Variants in ZNF644 observed in about 807,000 individuals in gnomAD.
ZNF644 encodes the protein zinc finger protein 644, also known as zinc finger motif enhancer binding protein 2.
Under a neutral mutation model 108.0 loss-of-function variants are expected in ZNF644, and 20 were observed. The observed-to-expected ratio is 0.19, with a 90% CI of 0.13 to 0.27. ZNF644 has a LOEUF of 0.27. Among genes scored for constraint, ZNF644 ranks in the 10% least tolerant of loss-of-function variants. The pLI, the probability that ZNF644 is intolerant of heterozygous loss-of-function variation, is 1.00. For synonymous variants in ZNF644, 542 were observed against 539.1 expected (o/e 1.01, Z -0.08); for missense variants, 1,338 against 1,548.9 (o/e 0.86, Z 2.29).
chr1:90,919,047 C>T (rs1046900556), intron 4 of ZNF644, among the ~76,000 whole-genome samples: 1 of 151,608 alleles, frequency 6.6e-6, no homozygotes, highest in South Asian at 2.1e-4. Context: ...CATTAATTGA[C>T]TTTTCCTTTA....
intron 1 of ZNF644, among the ~76,000 whole-genome samples, chr1:91,013,451 T>TCTCA (rs748395054): frequency 4.3e-5 from 6 of 140,052 alleles, no homozygotes; most frequent in East Asian, 2.3e-4. Flanking sequence ...AATCTCTCTC[T>TCTCA]CACACACACA....
rs552368652 is a variant in ZNF644 at position 90,943,243 on chromosome 1, C to T, written c.45-1934G>A. Among the ~76,000 whole-genome samples the T allele has an allele frequency of 1.4e-4, 22 of 152,002 alleles. No individual in the cohort carries two copies. In the South Asian group the frequency reaches 4.6e-3, roughly 32 times the overall value. On this transcript the variant is annotated intron_variant, in intron 2 of 5. Transcript: ENST00000337393. ...GATTACAAGATCAGGAGATTGACAC[C>T]ATCCTGGCTAACATGGTGATACCCC...
At position 90,939,567 on chromosome 1, in the gene ZNF644, G is replaced by A. The variant is rs1183673285; in HGVS notation, c.1787C>T (p.Ser596Leu). 3 of 1,613,994 alleles carry A rather than the reference G, an allele frequency of 1.9e-6. No individual in the cohort carries two copies. The highest frequency in any genetic ancestry group is 2.2e-5 in the South Asian group (2 of 91,082). The change falls in exon 3 of 6, where the codon TCA becomes TTA. Residue 596 changes from serine (S) to leucine (L), a missense_variant. Transcript: ENST00000337393. ...YICKMCPFTT[S>L]AKSVLKKHTE... ...GTGCTTTTTTAAAACACTTTTGGCT[G>A]AAGTAGTAAAAGGACACATCTTACA... is the stretch of plus-strand genomic sequence containing the variant.
intron 1 of ZNF644, among the ~76,000 whole-genome samples, chr1:91,010,224 T>A (rs1466817677): frequency 6.7e-6 from 1 of 149,862 alleles, no homozygotes; most frequent in Non-Finnish European, 1.5e-5. Context: ...TCCACAATTC[T>A]CATGTCTGTG....
chr1:90,992,279 T>C (rs973220405), intron 1 of ZNF644, among the ~76,000 whole-genome samples: 3 of 151,970 alleles, frequency 2.0e-5, no homozygotes, highest in African/African-American at 7.2e-5. Flanking sequence ...TTTTTTAATA[T>C]GTCAATTATA....
At chr1:90,965,706 T>A (rs1374155910) in intron 2 of ZNF644, among the ~76,000 whole-genome samples, 1 of 152,238 alleles carries the variant, frequency 6.6e-6, no homozygotes, top group African/African-American at 2.4e-5. Flanking sequence ...ATGAGTCATA[T>A]AGTTCATATC....
At position 91,001,358 on chromosome 1, in the gene ZNF644, C is replaced by T. The variant is rs1171426977; in HGVS notation, c.-17-18988G>A. 2.0e-5 allele frequency among the ~76,000 whole-genome samples: 3 copies of T among 152,286 alleles called. No individual in the cohort carries two copies. In the East Asian group the frequency reaches 5.8e-4, roughly 29 times the overall value. On this transcript the variant is annotated intron_variant, in intron 1 of 5. Coordinates refer to ENST00000337393, the MANE Select transcript of ZNF644 (RefSeq NM_201269.3). ...CACCATGATCAAGTGGGCTTCATCC[C>T]TGGGATGCAAGGCTGGTTCAACGTA...
At chr1:90,921,334 T>G (rs1395830939) in intron 4 of ZNF644, among the ~76,000 whole-genome samples, 1 of 152,098 alleles carries the variant, frequency 6.6e-6, no homozygotes, top group East Asian at 1.9e-4. Flanking sequence ...ATGAATAATC[T>G]GCCAAATAGA....
intron 2 of ZNF644, among the ~76,000 whole-genome samples, chr1:90,978,481 T>C (rs1299521644): frequency 6.6e-6 from 1 of 152,164 alleles, no homozygotes; most frequent in Non-Finnish European, 1.5e-5. Flanking sequence ...TAAAAAGTCT[T>C]CTTTTTCATG....
chr1:90,925,164 G>A (rs1325818450), intron 4 of ZNF644, among the ~76,000 whole-genome samples: 1 of 152,184 alleles, frequency 6.6e-6, no homozygotes, highest in East Asian at 1.9e-4. Context: ...AGAAAGACTG[G>A]AGTAGGGGAC....
chr1:91,011,844 T>C (rs1659981502), intron 1 of ZNF644, among the ~76,000 whole-genome samples: 2 of 152,176 alleles, frequency 1.3e-5, no homozygotes, highest in Admixed American at 1.3e-4. Context: ...AAATGCCTAA[T>C]AGCTAACTGA....
chr1:91,002,189 A>G (rs2101682298), intron 1 of ZNF644, among the ~76,000 whole-genome samples: 1 of 152,356 alleles, frequency 6.6e-6, no homozygotes, highest in Admixed American at 6.5e-5. Flanking sequence ...TTTAAAGTTC[A>G]TATGGAACCA....
At chr1:91,006,936 A>G (rs354636) in intron 1 of ZNF644, among the ~76,000 whole-genome samples, 20,656 of 152,146 alleles carry the variant, frequency 0.14, 1,450 homozygotes, top group South Asian at 0.16. Context: ...TAGCTTGGTA[A>G]GGTATAGAAT....
intron 2 of ZNF644, among the ~76,000 whole-genome samples, chr1:90,958,767 T>A (rs1163634113): frequency 6.6e-6 from 1 of 152,152 alleles, no homozygotes; most frequent in Non-Finnish European, 1.5e-5. Flanking sequence ...GATAACCACG[T>A]GCAAAAGAAT....
chr1:90,953,515 A>G (rs958329845), intron 2 of ZNF644, among the ~76,000 whole-genome samples: 2 of 152,136 alleles, frequency 1.3e-5, no homozygotes, highest in East Asian at 1.9e-4. Flanking sequence ...CACATCCTGC[A>G]CATGTACCCT....
At chr1:91,005,626 G>GA (rs1659343722) in intron 1 of ZNF644, among the ~76,000 whole-genome samples, 1 of 152,040 alleles carries the variant, frequency 6.6e-6, no homozygotes, top group Non-Finnish European at 1.5e-5. Context: ...ATACCAGAAG[G>GA]AAATTGGTAA....
chr1:90,927,025 A>G (rs1650115655), intron 4 of ZNF644, among the ~76,000 whole-genome samples: 1 of 151,972 alleles, frequency 6.6e-6, no homozygotes, highest in Admixed American at 6.6e-5. Context: ...ATTTCCTATA[A>G]ACTTCCCACA....
In ZNF644 at chr1:90,916,331, T is replaced by G. The variant is rs1333769829; in HGVS notation, c.*467A>C. 1 of 175,054 alleles carries G rather than the reference T, an allele frequency of 5.7e-6. No homozygotes were observed. Among genetic ancestry groups the G allele is most frequent in the African/African-American group, 2.4e-5 (1 of 41,628 alleles). 10.8% of individuals were successfully genotyped at this position (175,054 alleles called of 1,614,324 possible). A position where few individuals can be genotyped will look rare whatever the true frequency, so the allele number is the denominator to read the frequency against. Reference sequence around the variant, plus strand: ...AAACTATGAAGTACATGATATTTAATGCCCTAATTTGAGTAAATTTAGTCA... The same window carrying G: ...AAACTATGAAGTACATGATATTTAAGGCCCTAATTTGAGTAAATTTAGTCA... On this transcript the variant is annotated 3_prime_UTR_variant, in exon 6 of 6. Transcript: ENST00000337393.
chr1:90,963,413 T>C (rs539828796), intron 2 of ZNF644, among the ~76,000 whole-genome samples: 1 of 152,226 alleles, frequency 6.6e-6, no homozygotes, highest in South Asian at 2.1e-4. Context: ...TTGAAAACAA[T>C]TCATGTGTCA....
Sources: gnomAD v4.1 joint callset for allele counts (sites outside exome capture counted in the v4.1 genomes callset) on GRCh38, gnomAD v4.1.1 for gene constraint, MANE v1.5 for transcripts, NCBI Gene and HGNC (gene_info 2026-07-23, HGNC 2026-07-21) for gene names.